SCARB1: variants seen among roughly 807,000 people sequenced by gnomAD.
SCARB1 encodes the protein scavenger receptor class B member 1.
In SCARB1, 30 loss-of-function variants were observed where a neutral mutation model predicts 57.2. That is an observed-to-expected ratio of 0.52 (90% CI 0.39 to 0.71). SCARB1 has a LOEUF of 0.71. Ranked by LOEUF, SCARB1 falls within the 30% of genes least tolerant of loss-of-function variation. The probability of loss-of-function intolerance (pLI) is 0.00; values close to 1 mark genes in which losing one functional copy is unlikely to be tolerated. For missense variants in SCARB1, 543 were observed against 671.2 expected, an observed-to-expected ratio of 0.81 and a Z score of 2.11; for synonymous variants, 249 against 268.3, an observed-to-expected ratio of 0.93 and a Z score of 0.70.
At chr12:124,782,637 G>T in intron 12 of SCARB1, 46 bp downstream of exon 12, 2 of 1,601,558 alleles carry the variant, frequency 1.2e-6, no homozygotes, top group South Asian at 2.2e-5. Flanking sequence ...CATTCTACTT[G>T]ATATGGGAGG....
chr12:124,848,232 C>T (rs368308706), intron 1 of SCARB1, among the ~76,000 whole-genome samples: 32 of 152,202 alleles, frequency 2.1e-4, no homozygotes, highest in African/African-American at 5.5e-4. Context: ...TACAGGTGTG[C>T]GCCACCATGC....
At chr12:124,820,535 G>A (rs894723617) in intron 1 of SCARB1, among the ~76,000 whole-genome samples, 3 of 151,588 alleles carry the variant, frequency 2.0e-5, no homozygotes, top group Non-Finnish European at 4.4e-5. Flanking sequence ...CTCAGGCCCC[G>A]ATCGCCCAGC....
intron 1 of SCARB1, among the ~76,000 whole-genome samples, chr12:124,859,537 GAA>G (rs11296472): frequency 0.091 from 13,702 of 151,284 alleles, 690 homozygotes; most frequent in Middle Eastern, 0.23. Flanking sequence ...TCTCAAAAAA[GAA>G]AAAAAAAAAT....
intron 1 of SCARB1, among the ~76,000 whole-genome samples, chr12:124,859,219 C>T (rs1053271044): frequency 1.3e-5 from 2 of 151,728 alleles, no homozygotes; most frequent in African/African-American, 4.8e-5. Context: ...CATGTGGATA[C>T]ATTTTCTCTG....
chr12:124,794,826 A>G (rs183061101), intron 9 of SCARB1, among the ~76,000 whole-genome samples: 98 of 152,218 alleles, frequency 6.4e-4, no homozygotes, highest in African/African-American at 2.2e-3. Flanking sequence ...GCTACTCAGG[A>G]GGCTGAGTCA....
At chr12:124,863,042 G>A (rs1250979990) in intron 1 of SCARB1, among the ~76,000 whole-genome samples, 3 of 152,222 alleles carry the variant, frequency 2.0e-5, no homozygotes, top group Non-Finnish European at 4.4e-5. Flanking sequence ...CTGGGAGAGG[G>A]TTCCTATGGG....
chr12:124,793,142 T>C (rs1466250104), intron 9 of SCARB1, among the ~76,000 whole-genome samples: 1 of 152,204 alleles, frequency 6.6e-6, no homozygotes, highest in Non-Finnish European at 1.5e-5. Flanking sequence ...TATTACTCGC[T>C]GCCGTGCTCT....
At chr12:124,782,975 C>T in intron 11 of SCARB1, 164 bp from the exon 12 acceptor site, 1 of 676,626 alleles carries the variant, frequency 1.5e-6, no homozygotes, top group Non-Finnish European at 2.6e-6. Flanking sequence ...TGGGGAGCTG[C>T]CGCTCTTAGA....
rs955877417 is a variant in SCARB1, at chr12:124,807,459, A to G, written c.1009+302T>C. ...GCTTCTCCTAGAGCCTCCAGAAGGA[A>G]CACAGCCGCCTTGTTCTGAGCGCGG... On this transcript the variant is annotated intron_variant, in intron 7 of 12. Coordinates refer to ENST00000261693, the MANE Select transcript of SCARB1 (RefSeq NM_005505.5). The surrounding 1 kb of genome is among the most constrained non-coding windows in gnomAD (Gnocchi z 5.3). 6.6e-6 allele frequency among the ~76,000 whole-genome samples: 1 copy of G among 152,194 alleles called. No homozygotes were observed. Among genetic ancestry groups the G allele is most frequent in the Non-Finnish European group, 1.5e-5 (1 of 68,028 alleles).
At chr12:124,795,423 G>C (rs1480997722) in intron 8 of SCARB1, among the ~76,000 whole-genome samples, 155 bp from the exon 9 acceptor site, 3 of 118,190 alleles carry the variant, frequency 2.5e-5, no homozygotes, top group South Asian at 4.6e-4. Context: ...CCACAGGCTG[G>C]GGGGGGTCAA....
chr12:124,844,259 AGG>A (rs1952041701), intron 1 of SCARB1, among the ~76,000 whole-genome samples: 1 of 152,190 alleles, frequency 6.6e-6, no homozygotes. Context: ...GGGCAGCACG[AGG>A]AATGTTGACA....
intron 1 of SCARB1, among the ~76,000 whole-genome samples, chr12:124,818,135 C>T (rs373465479): frequency 6.6e-6 from 1 of 152,126 alleles, no homozygotes; most frequent in African/African-American, 2.4e-5. Flanking sequence ...ACCTGCCAGG[C>T]GGGTTCTAAG....
rs1872649957 is a variant in SCARB1, at chr12:124,777,873, T to C, written c.*714A>G. 6.6e-6 allele frequency: 1 copy of C among 152,244 alleles called. No homozygotes were observed. Among genetic ancestry groups the C allele is most frequent in the African/African-American group, 2.4e-5 (1 of 41,354 alleles). The allele number at this position is 152,244 out of a possible 1,614,324, so 9.4% of individuals were successfully genotyped here. On this transcript the variant is annotated 3_prime_UTR_variant, in exon 13 of 13. Transcript: ENST00000261693. Reference sequence around the variant, plus strand: ...TTCGGCCAGAGAGTGGCCGGCTCAGTCCATAGGATGATGTCAGTTTAGGCT... The same window carrying C: ...TTCGGCCAGAGAGTGGCCGGCTCAGCCCATAGGATGATGTCAGTTTAGGCT...
intron 7 of SCARB1, among the ~76,000 whole-genome samples, chr12:124,804,441 C>T (rs1330582425): frequency 6.6e-6 from 1 of 152,176 alleles, no homozygotes; most frequent in African/African-American, 2.4e-5. Flanking sequence ...AGAGATCTGC[C>T]CTGGAATTTT....
Position 124,795,256 on chromosome 12 carries a change from G to A in SCARB1, c.1141C>T (p.Pro381Ser), listed in dbSNP as rs778820807. 3 of 1,613,772 alleles carry A rather than the reference G, an allele frequency of 1.9e-6. No individual in the cohort carries two copies. The highest frequency in any genetic ancestry group is 1.3e-5 in the African/African-American group (1 of 74,892). Reference protein sequence around the residue: ...FLDIHPVTGIPMNCSVKLQLS... With the variant: ...FLDIHPVTGISMNCSVKLQLS... ...TGCAGTTTCACAGAGCAGTTCATGG[G>A]GATTCCCGTGACCTGCGGCAACAAA... The change falls in exon 9 of 13, where the codon CCC (proline) becomes TCC (serine). Residue 381 changes from proline to serine, a missense_variant. Transcript: ENST00000261693.
chr12:124,778,515 C>A lies in SCARB1; in HGVS notation c.*72G>T. The A allele has an allele frequency of 1.6e-6, 2 of 1,230,584 alleles. No individual in the cohort carries two copies. Among genetic ancestry groups the A allele is most frequent in the Non-Finnish European group, 2.1e-6 (2 of 952,772 alleles). 76.2% of individuals were successfully genotyped at this position (1,230,584 alleles called of 1,614,324 possible). On this transcript the variant is annotated 3_prime_UTR_variant, in exon 13 of 13. Transcript: ENST00000261693. Reference sequence around the variant, plus strand: ...GTCCGCTGGGAGAGTCCGGGAGAAGCGGGGTGTAGGGGCTGGGGGGCCGGT... The same window carrying A: ...GTCCGCTGGGAGAGTCCGGGAGAAGAGGGGTGTAGGGGCTGGGGGGCCGGT...
chr12:124,851,608 A>ATTTTTTTTTTT (rs5801574), intron 1 of SCARB1, among the ~76,000 whole-genome samples: 1 of 128,108 alleles, frequency 7.8e-6, no homozygotes, highest in African/African-American at 3.0e-5. Flanking sequence ...AAAGGATTCC[A>ATTTTTTTTTTT]TTTTTTTTTT....
chr12:124,856,717 C>T (rs1336846024), intron 1 of SCARB1, among the ~76,000 whole-genome samples: 4 of 152,300 alleles, frequency 2.6e-5, no homozygotes, highest in East Asian at 1.9e-4. Context: ...AGGAAACGCC[C>T]GGTAGGTGGA....
intron 1 of SCARB1, among the ~76,000 whole-genome samples, chr12:124,852,825 G>A (rs1952473928): frequency 1.3e-5 from 2 of 152,274 alleles, no homozygotes; most frequent in African/African-American, 2.4e-5. Flanking sequence ...TGGATCACCT[G>A]AGGTCAGGAG....
Sources: gnomAD v4.1 joint callset for allele counts (sites outside exome capture counted in the v4.1 genomes callset) on GRCh38, gnomAD v4.1.1 for gene constraint, Gnocchi (gnomAD v3.1) non-coding constraint, MANE v1.5 for transcripts, NCBI Gene and HGNC (gene_info 2026-07-23, HGNC 2026-07-21) for gene names.